INTS3: variants seen among roughly 807,000 people sequenced by gnomAD.
The protein encoded by INTS3 is SOSS complex subunit A.
A neutral mutation model predicts 146.3 loss-of-function variants in INTS3; 34 were observed. The observed-to-expected ratio is 0.23, with a 90% CI of 0.18 to 0.31. INTS3 has a LOEUF of 0.31. Among genes scored for constraint, INTS3 ranks in the 10% least tolerant of loss-of-function variants. INTS3 has a pLI of 1.00. For synonymous variants in INTS3, 475 were observed against 494.9 expected, an observed-to-expected ratio of 0.96 and a Z score of 0.53; for missense variants, 757 against 1,304.2, an observed-to-expected ratio of 0.58 and a Z score of 6.46.
At chr1:153,750,699 G>T (rs1671925704) in intron 6 of INTS3, among the ~76,000 whole-genome samples, 1 of 152,192 alleles carries the variant, frequency 6.6e-6, no homozygotes, top group Admixed American at 6.5e-5. Context: ...CCCATAGTCT[G>T]ACCTGGGTAG....
chr1:153,734,226 C>T (rs1671201016), intron 1 of INTS3, among the ~76,000 whole-genome samples: 2 of 152,182 alleles, frequency 1.3e-5, no homozygotes, highest in African/African-American at 4.8e-5. Context: ...ATGATTCTAT[C>T]TTTACTAAGA....
rs777946662 is a variant in INTS3, at chr1:153,771,765, AG to A, written c.2553-30del. ...CAGCATGCCCTGCGGCCACTGTGCA[AG>A]CAGCACCCAGTGCCCCCTTCCTCCC... On this transcript the variant is annotated intron_variant, in intron 25 of 29. Coordinates refer to ENST00000318967, the MANE Select transcript of INTS3 (RefSeq NM_023015.5). 3.1e-6 allele frequency: 5 copies of A among 1,596,596 alleles called. No homozygotes were observed. In the East Asian group the frequency reaches 1.1e-4, roughly 36 times the overall value.
In INTS3 at chr1:153,773,494, TC is replaced by T. The variant is rs1672994398; in HGVS notation, c.*227del. On this transcript the variant is annotated 3_prime_UTR_variant, in exon 30 of 30. Coordinates refer to ENST00000318967, the MANE Select transcript of INTS3 (RefSeq NM_023015.5). ...GGCCTCCAGCCCCTCACACTGCTGT[TC>T]CCAGTGATATTTGGGATCTGACTGA... 2 of 603,334 alleles carry T rather than the reference TC, an allele frequency of 3.3e-6. No homozygotes were observed. The highest frequency in any genetic ancestry group is 3.0e-6 in the Non-Finnish European group (1 of 330,840). 37.4% of individuals were successfully genotyped at this position (603,334 alleles called of 1,614,324 possible). A position where few individuals can be genotyped will look rare whatever the true frequency, so the allele number is the denominator to read the frequency against.
intron 1 of INTS3, among the ~76,000 whole-genome samples, chr1:153,732,000 C>T (rs1483045224): frequency 4.7e-5 from 7 of 149,566 alleles, no homozygotes; most frequent in Admixed American, 2.7e-4. Context: ...CTCTGCCTCC[C>T]GGGTTCAAGC....
chr1:153,762,540 C>G (rs1395040242), intron 14 of INTS3, among the ~76,000 whole-genome samples, 188 bp from the exon 15 acceptor site: 1 of 152,220 alleles, frequency 6.6e-6, no homozygotes, highest in East Asian at 1.9e-4. Context: ...CAACATCCCT[C>G]TGCAGGTCAT....
intron 1 of INTS3, among the ~76,000 whole-genome samples, chr1:153,733,298 C>T (rs909832863): frequency 3.4e-5 from 5 of 149,200 alleles, no homozygotes; most frequent in South Asian, 2.1e-4. Flanking sequence ...CTGCAACCTC[C>T]GCCCCCTGGG....
chr1:153,734,025 TC>T (rs1443343021), intron 1 of INTS3, among the ~76,000 whole-genome samples: 1 of 151,692 alleles, frequency 6.6e-6, no homozygotes, highest in Non-Finnish European at 1.5e-5. Context: ...AGAAAGGCCT[TC>T]CCCCCCTTTC....
chr1:153,761,022 G>A (rs1672363965), intron 13 of INTS3, 104 bp downstream of exon 13: 4 of 1,545,040 alleles, frequency 2.6e-6, no homozygotes, highest in Middle Eastern at 1.8e-4. Flanking sequence ...TCTGACAGGT[G>A]TAAAAAGTAT....
chr1:153,760,507 T>C, intron 12 of INTS3, 117 bp downstream of exon 12: 1 of 808,266 alleles, frequency 1.2e-6, no homozygotes, highest in Non-Finnish European at 2.1e-6. Flanking sequence ...GCAGAAATGG[T>C]CATGGGTCCT....
chr1:153,763,728 T>C (rs1672474138), intron 16 of INTS3, 104 bp from the exon 17 acceptor site: 7 of 995,258 alleles, frequency 7.0e-6, no homozygotes, highest in Non-Finnish European at 1.1e-5. Context: ...CTCCTTTGTT[T>C]TGTCTCTGTG....
intron 20 of INTS3, 79 bp downstream of exon 20, chr1:153,765,142 C>A (rs1672529279): frequency 6.7e-7 from 1 of 1,495,680 alleles, no homozygotes. Flanking sequence ...ACTCCCCAAC[C>A]CTGGACTGTC....
chr1:153,728,058 A>G lies in INTS3; in HGVS notation c.-577A>G, dbSNP rs986646373. On this transcript the variant is annotated 5_prime_UTR_variant, in exon 1 of 30. Coordinates refer to ENST00000318967, the MANE Select transcript of INTS3 (RefSeq NM_023015.5). ...CCCCTCCCCCGCCCTCCGCCTTCCC[A>G]CCCCCCGCCCTTCCACTATGGCCGC... 2.1e-5 allele frequency: 1 copy of G among 48,352 alleles called. No homozygotes were observed. The highest frequency in any genetic ancestry group is 3.8e-5 in the Non-Finnish European group (1 of 26,620). The allele number at this position is 48,352 out of a possible 1,614,324, so 3.0% of individuals were successfully genotyped here. A position where few individuals can be genotyped will look rare whatever the true frequency, so the allele number is the denominator to read the frequency against.
chr1:153,772,730 T>TAAA lies in INTS3; in HGVS notation c.2894+19_2894+20insAAA, dbSNP rs976546858. 19 of 1,611,638 alleles carry TAAA rather than the reference T, an allele frequency of 1.2e-5. No individual in the cohort carries two copies. The highest frequency in any genetic ancestry group is 1.6e-5 in the Non-Finnish European group (19 of 1,178,658). On this transcript the variant is annotated intron_variant, in intron 28 of 29. Transcript: ENST00000318967. This position sits in a 1 kb window ranked among gnomAD's most constrained non-coding sequence, Gnocchi z 4.6. ...AGATGAAGTGAGGCTCCTGCCACTTTGGGCCTTGGAAAGTAGTAGGGGAAA... is the reference window on the plus strand; with the variant it reads ...AGATGAAGTGAGGCTCCTGCCACTTTAAAGGGCCTTGGAAAGTAGTAGGGGAAA...
intron 9 of INTS3, among the ~76,000 whole-genome samples, chr1:153,756,633 T>C (rs1344768818): frequency 6.6e-6 from 1 of 151,968 alleles, no homozygotes; most frequent in Non-Finnish European, 1.5e-5. Flanking sequence ...CTGACCAACA[T>C]GGTGAAACCC....
intron 3 of INTS3, among the ~76,000 whole-genome samples, chr1:153,746,502 A>C (rs973658910): frequency 6.6e-6 from 1 of 152,008 alleles, no homozygotes; most frequent in Non-Finnish European, 1.5e-5. Context: ...CCGGGCTCAC[A>C]CCATTCTCCT....
rs1672751555 is a variant in INTS3, at chr1:153,769,948, TA to T, written c.2389+106del. 5.7e-6 allele frequency: 5 copies of T among 875,962 alleles called. No homozygotes were observed. The East Asian group carries it at 1.3e-4, about 22-fold the overall frequency. 54.3% of individuals were successfully genotyped at this position (875,962 alleles called of 1,614,324 possible). A position where few individuals can be genotyped will look rare whatever the true frequency, so the allele number is the denominator to read the frequency against. ...AAAGCTGGTTCTGGGGCTGGGAAGTTAAGGGGAGAGAATTGTACTCCACCCT... is the reference window on the plus strand; with the variant it reads ...AAAGCTGGTTCTGGGGCTGGGAAGTTAGGGGAGAGAATTGTACTCCACCCT... On this transcript the variant is annotated intron_variant, in intron 23 of 29. Coordinates refer to ENST00000318967, the MANE Select transcript of INTS3 (RefSeq NM_023015.5).
chr1:153,767,650 G>A, intron 20 of INTS3, 24 bp from the exon 21 acceptor site: 1 of 1,549,922 alleles, frequency 6.5e-7, no homozygotes. Context: ...CAGGCTGCTG[G>A]CTCAGGCCCA....
chr1:153,740,088 C>T (rs919968625), intron 1 of INTS3, among the ~76,000 whole-genome samples: 2 of 146,474 alleles, frequency 1.4e-5, no homozygotes, highest in Non-Finnish European at 3.0e-5. Context: ...TGTGAGCCAC[C>T]GTGCCCGCCC....
At chr1:153,737,203 C>T (rs1233116322) in intron 1 of INTS3, among the ~76,000 whole-genome samples, 1 of 152,216 alleles carries the variant, frequency 6.6e-6, no homozygotes, top group African/African-American at 2.4e-5. Context: ...TTCCTTTGTC[C>T]TTCTTTTGCC....
Sources: allele counts gnomAD v4.1 joint callset (sites outside exome capture counted in the v4.1 genomes callset), GRCh38; gene constraint gnomAD v4.1.1; non-coding constraint Gnocchi (gnomAD v3.1); transcripts MANE v1.5; gene names NCBI Gene and HGNC (gene_info 2026-07-23, HGNC 2026-07-21).